FXN: variants seen among roughly 807,000 people sequenced by gnomAD.
FXN encodes the protein frataxin, mitochondrial.
Under a neutral mutation model 22.4 loss-of-function variants are expected in FXN, and 14 were observed. The observed-to-expected ratio is 0.62, with a 90% CI of 0.41 to 0.98. FXN has a LOEUF of 0.98. Among genes scored for constraint, FXN ranks in the 50% least tolerant of loss-of-function variants. The pLI is 0.00. For missense variants in FXN, 267 were observed against 268.4 expected (o/e 0.99, Z 0.04); for synonymous variants, 120 against 114.1 (o/e 1.05, Z -0.33).
intron 4 of FXN, among the ~76,000 whole-genome samples, chr9:69,068,265 A>G (rs971929359): frequency 6.6e-6 from 1 of 152,184 alleles, no homozygotes; most frequent in African/African-American, 2.4e-5. Context: ...AGGGGCTACT[A>G]TGAGCTCTTT....
At chr9:69,057,615 C>T (rs1316959572) in intron 3 of FXN, among the ~76,000 whole-genome samples, 1 of 152,164 alleles carries the variant, frequency 6.6e-6, no homozygotes, top group Admixed American at 6.6e-5. Context: ...GAAATGCTAA[C>T]TCTGTACCCT....
chr9:69,065,335 GT>G (rs1394789250), intron 4 of FXN, among the ~76,000 whole-genome samples: 2 of 152,182 alleles, frequency 1.3e-5, no homozygotes, highest in African/African-American at 2.4e-5. Context: ...GAGCTCAGGA[GT>G]TTGAGACCAG....
At chr9:69,037,841 C>G (rs1831591580) in intron 1 of FXN, among the ~76,000 whole-genome samples, 2 of 152,146 alleles carry the variant, frequency 1.3e-5, no homozygotes, top group African/African-American at 2.4e-5. Context: ...TTAGTAGAGA[C>G]AGATTTCTCC....
rs1384605005 is a variant in FXN at position 69,072,733 on chromosome 9, T to C, written c.604T>C (p.Ser202Pro). Residue 202 changes from serine to proline, a missense_variant, in exon 5 of 5, where the codon TCC becomes CCC. Coordinates refer to ENST00000484259, the MANE Select transcript of FXN (RefSeq NM_000144.5). ...CTTAAAAACCAAACTGGACTTGTCT[T>C]CCTTGGCCTATTCCGGAAAAGATGC... ...KALKTKLDLS[S>P]LAYSGKDA 2 of 1,614,134 alleles carry C rather than the reference T, an allele frequency of 1.2e-6. No homozygotes were observed. The highest frequency in any genetic ancestry group is 3.3e-5 in the Admixed American group (2 of 60,012).
Position 69,048,466 on chromosome 9 carries a change from G to A in FXN, c.263+1984G>A, listed in dbSNP as rs183893312. 1.7e-3 allele frequency among the ~76,000 whole-genome samples: 260 copies of A among 152,164 alleles called. 3 individuals are homozygous for A. The highest frequency in any genetic ancestry group is 3.4e-3 in the Middle Eastern group (1 of 294). The stretch of plus-strand genomic sequence containing the variant: ...TAAAAATACAAAAAGTTAGCCAGGC[G>A]TGGTGGCAGGCACCTGTAATCCCAG... On this transcript the variant is annotated intron_variant, in intron 2 of 4. Transcript: ENST00000484259.
In FXN at chr9:69,072,250, TAAGGCAC is replaced by T. The variant is rs1832288925; in HGVS notation, c.483-358_483-352del. Among the ~76,000 whole-genome samples, 10 of 152,318 alleles carry T rather than the reference TAAGGCAC, an allele frequency of 6.6e-5. No individual in the cohort carries two copies. In the South Asian group the frequency reaches 2.1e-3, roughly 32 times the overall value. ...CCTTAACAACTAATAATATTATAGG[TAAGGCAC>T]AAGTTACATCTGTAGCACAAAAATG... On this transcript the variant is annotated intron_variant, in intron 4 of 4. Transcript: ENST00000484259.
Position 69,075,602 on chromosome 9 carries a change from C to T in FXN, c.*2840C>T, listed in dbSNP as rs1461491962. 20 of 985,172 alleles carry T rather than the reference C, an allele frequency of 2.0e-5. No individual in the cohort carries two copies. Among genetic ancestry groups the T allele is most frequent in the Admixed American group, 6.2e-5 (1 of 16,254 alleles). The allele number at this position is 985,172 out of a possible 1,614,324, so 61.0% of individuals were successfully genotyped here. ...TCCCCACCACAGACCCTGGGAGCAT[C>T]GCCTCATTTATGGTGTGGTCCAGTC... On this transcript the variant is annotated 3_prime_UTR_variant, in exon 5 of 5. Transcript: ENST00000484259.
chr9:69,045,524 C>T (rs986860530), intron 1 of FXN, among the ~76,000 whole-genome samples: 1 of 151,880 alleles, frequency 6.6e-6, no homozygotes, highest in South Asian at 2.1e-4. Flanking sequence ...ACCCGGGAGG[C>T]GGGGGTTGCA....
intron 4 of FXN, among the ~76,000 whole-genome samples, 183 bp downstream of exon 4, chr9:69,065,218 T>G (rs1435853154): frequency 6.6e-6 from 1 of 152,038 alleles, no homozygotes; most frequent in Non-Finnish European, 1.5e-5. Flanking sequence ...CTGGGCAACA[T>G]AGTGAGTCCC....
chr9:69,061,529 A>T lies in FXN; in HGVS notation c.385-3409A>T, dbSNP rs556826580. Among the ~76,000 whole-genome samples the T allele has an allele frequency of 3.3e-3, 495 of 151,374 alleles. 1 individual carries two copies. The highest frequency in any genetic ancestry group is 0.011 in the African/African-American group (445 of 41,194). Reference sequence around the variant, plus strand: ...TTGATTCTTTGAGCTCTTTTTTTTTATTATTATACTTTAAGTGTTAGGGTA... The same window carrying T: ...TTGATTCTTTGAGCTCTTTTTTTTTTTTATTATACTTTAAGTGTTAGGGTA... On this transcript the variant is annotated intron_variant, in intron 3 of 4. Coordinates refer to ENST00000484259, the MANE Select transcript of FXN (RefSeq NM_000144.5).
intron 4 of FXN, among the ~76,000 whole-genome samples, chr9:69,065,900 T>G (rs1283173657): frequency 6.6e-6 from 1 of 152,218 alleles, no homozygotes; most frequent in Non-Finnish European, 1.5e-5. Flanking sequence ...TGAATTCCCT[T>G]TGCAGGTTGG....
chr9:69,046,283 G>A (rs938887005), intron 1 of FXN, 102 bp from the exon 2 acceptor site: 1 of 853,130 alleles, frequency 1.2e-6, no homozygotes, highest in African/African-American at 1.7e-5. Flanking sequence ...GGAGCACTCG[G>A]TTACAGGCAC....
chr9:69,075,319 G>T lies in FXN; in HGVS notation c.*2557G>T, dbSNP rs1832345598. 2 of 618,516 alleles carry T rather than the reference G, an allele frequency of 3.2e-6. No homozygotes were observed. The highest frequency in any genetic ancestry group is 4.0e-6 in the Non-Finnish European group (2 of 495,288). 38.3% of individuals were successfully genotyped at this position (618,516 alleles called of 1,614,324 possible). A position where few individuals can be genotyped will look rare whatever the true frequency, so the allele number is the denominator to read the frequency against. On this transcript the variant is annotated 3_prime_UTR_variant, in exon 5 of 5. Transcript: ENST00000484259. ...CTAAAAATATTAAAAAATTGGCTGG[G>T]CGTGGTGGTTCGTGCCTATAATTTC...
Position 69,074,088 on chromosome 9 carries a change from A to G in FXN, c.*1326A>G, listed in dbSNP as rs4744810. ...TAATCCCAGCTACTTGGGAGGCTGA[A>G]GCGGAAGAATCGCTTGAACCCAGAG... On this transcript the variant is annotated 3_prime_UTR_variant, in exon 5 of 5. Coordinates refer to ENST00000484259, the MANE Select transcript of FXN (RefSeq NM_000144.5). 0.48 allele frequency: 168,528 copies of G among 352,502 alleles called. 41,018 individuals carry two copies. The highest frequency in any genetic ancestry group is 0.65 in the East Asian group (3,822 of 5,914). The allele number at this position is 352,502 out of a possible 1,614,324, so 21.8% of individuals were successfully genotyped here. A position where few individuals can be genotyped will look rare whatever the true frequency, so the allele number is the denominator to read the frequency against.
rs767135118 is a variant in FXN, at chr9:69,035,879, T to C, written c.97T>C (p.Leu33=). ...TLTRVPRPAE[L]APLCGRRGLR... ...CACCCGGGTCCCGCGGCCGGCAGAG[T>C]TGGCCCCACTCTGCGGCCGCCGTGG... Residue 33 remains leucine, a synonymous_variant, in exon 1 of 5, where the codon TTG becomes CTG. Coordinates refer to ENST00000484259, the MANE Select transcript of FXN (RefSeq NM_000144.5). 6.8e-7 allele frequency: 1 copy of C among 1,469,852 alleles called. No individual in the cohort carries two copies. The highest frequency in any genetic ancestry group is 1.5e-5 in the African/African-American group (1 of 67,306). 91.1% of individuals were successfully genotyped at this position (1,469,852 alleles called of 1,614,324 possible). A position where few individuals can be genotyped will look rare whatever the true frequency, so the allele number is the denominator to read the frequency against.
intron 2 of FXN, among the ~76,000 whole-genome samples, chr9:69,051,781 T>C (rs981283241): frequency 2.0e-5 from 3 of 152,252 alleles, no homozygotes; most frequent in Non-Finnish European, 4.4e-5. Flanking sequence ...TGAACATTAC[T>C]AATGAAATCT....
chr9:69,064,484 T>C (rs559666608), intron 3 of FXN, among the ~76,000 whole-genome samples: 2 of 152,354 alleles, frequency 1.3e-5, no homozygotes, highest in Admixed American at 1.3e-4. Flanking sequence ...ACCTTCCTTT[T>C]ACTTCCTCTG....
At chr9:69,040,216 A>G (rs1053929180) in intron 1 of FXN, among the ~76,000 whole-genome samples, 1 of 152,166 alleles carries the variant, frequency 6.6e-6, no homozygotes, top group African/African-American at 2.4e-5. Flanking sequence ...GCTTTTAGAC[A>G]TCTGTCCATT....
chr9:69,071,604 A>G (rs7858407), intron 4 of FXN, among the ~76,000 whole-genome samples: 80,654 of 152,208 alleles, frequency 0.53, 21,983 homozygotes, highest in East Asian at 0.64. Context: ...ACACGAATAC[A>G]GCATTCCCAA....
Sources: allele counts gnomAD v4.1 joint callset (sites outside exome capture counted in the v4.1 genomes callset), GRCh38; gene constraint gnomAD v4.1.1; transcripts MANE v1.5; gene names NCBI Gene and HGNC (gene_info 2026-07-23, HGNC 2026-07-21).